The following KIF26B variants were observed in gnomAD, a reference collection of about 807,000 sequenced individuals.
KIF26B encodes the protein kinesin-like protein KIF26B.
In KIF26B, 63 loss-of-function variants were observed where a neutral mutation model predicts 151.2. That is an observed-to-expected ratio of 0.42 (90% CI 0.34 to 0.51). The LOEUF (loss-of-function observed/expected upper bound fraction) is 0.51, where lower values mean the gene tolerates loss of function less well. KIF26B is among the 20% of genes least tolerant of loss of function. The pLI, the probability that KIF26B is intolerant of heterozygous loss-of-function variation, is 0.07. For missense variants in KIF26B, 2,813 were observed against 2,913.6 expected (o/e 0.97, Z 0.79); for synonymous variants, 1,357 against 1,262.1 (o/e 1.08, Z -1.59).
intron 3 of KIF26B, among the ~76,000 whole-genome samples, chr1:245,403,995 C>T (rs975651531): frequency 6.6e-6 from 1 of 152,084 alleles, no homozygotes; most frequent in Non-Finnish European, 1.5e-5. Flanking sequence ...TGATTGATTC[C>T]AGACTCTGGA....
chr1:245,694,766 C>T (rs2147964615), intron 12 of KIF26B, among the ~76,000 whole-genome samples: 1 of 152,340 alleles, frequency 6.6e-6, no homozygotes, highest in Non-Finnish European at 1.5e-5. Flanking sequence ...GGAAGTTTCA[C>T]TGAAGTATCA....
At chr1:245,451,925 T>G (rs1233363143) in intron 4 of KIF26B, among the ~76,000 whole-genome samples, 1 of 152,150 alleles carries the variant, frequency 6.6e-6, no homozygotes, top group Non-Finnish European at 1.5e-5. Flanking sequence ...AAAAAAATTA[T>G]TTACTGTGGC....
At chr1:245,471,315 G>A (rs1317746291) in intron 4 of KIF26B, among the ~76,000 whole-genome samples, 2 of 151,986 alleles carry the variant, frequency 1.3e-5, no homozygotes, top group African/African-American at 4.8e-5. Context: ...TGTATTTATA[G>A]TAGAGACGGG....
At chr1:245,506,408 A>G (rs907680739) in intron 4 of KIF26B, among the ~76,000 whole-genome samples, 21 of 152,254 alleles carry the variant, frequency 1.4e-4, no homozygotes, top group African/African-American at 3.6e-4. Flanking sequence ...TAATTCCATC[A>G]TCATTTATAG....
At chr1:245,242,988 C>T (rs549864042) in intron 2 of KIF26B, among the ~76,000 whole-genome samples, 31 of 152,282 alleles carry the variant, frequency 2.0e-4, no homozygotes, top group Non-Finnish European at 3.5e-4. Context: ...ATGGACATTT[C>T]GGATTTTTCC....
intron 10 of KIF26B, among the ~76,000 whole-genome samples, chr1:245,652,128 GT>G (rs2044024258): frequency 4.3e-5 from 6 of 140,058 alleles, no homozygotes; most frequent in African/African-American, 1.5e-4. Context: ...GTGTGTGTGT[GT>G]GTGTGTGTGT....
At chr1:245,651,808 G>C (rs1038272392) in intron 10 of KIF26B, among the ~76,000 whole-genome samples, 2 of 152,206 alleles carry the variant, frequency 1.3e-5, no homozygotes, top group African/African-American at 4.8e-5. Context: ...GATGATCTGA[G>C]GTGGAGCAGT....
chr1:245,513,911 A>G (rs1660892232), intron 4 of KIF26B, among the ~76,000 whole-genome samples: 1 of 152,188 alleles, frequency 6.6e-6, no homozygotes, highest in Non-Finnish European at 1.5e-5. Context: ...TCTACACTGC[A>G]GAGAACTCTC....
chr1:245,535,049 C>T (rs1661460089), intron 4 of KIF26B, among the ~76,000 whole-genome samples: 1 of 152,202 alleles, frequency 6.6e-6, no homozygotes, highest in African/African-American at 2.4e-5. Context: ...TCCCAAAGTG[C>T]TGGGATTACA....
intron 5 of KIF26B, among the ~76,000 whole-genome samples, chr1:245,594,961 T>C (rs906396029): frequency 6.7e-6 from 1 of 149,536 alleles, no homozygotes; most frequent in Admixed American, 6.8e-5. Flanking sequence ...ATGATTTGGC[T>C]CTCTGTCTAT....
At chr1:245,673,019 CCACGGCG>C (rs2044307925) in intron 10 of KIF26B, among the ~76,000 whole-genome samples, 2 of 152,304 alleles carry the variant, frequency 1.3e-5, no homozygotes, top group African/African-American at 4.8e-5. Context: ...CACCCAGTCC[CCACGGCG>C]CGCTGCCATC....
intron 2 of KIF26B, among the ~76,000 whole-genome samples, chr1:245,212,211 T>A (rs1669551180): frequency 6.6e-6 from 1 of 152,188 alleles, no homozygotes; most frequent in Non-Finnish European, 1.5e-5. Context: ...TTTCCCATAA[T>A]TCCACTTGGG....
chr1:245,662,619 TAC>T (rs2044164853), intron 10 of KIF26B, among the ~76,000 whole-genome samples: 1 of 54,780 alleles, frequency 1.8e-5, no homozygotes, highest in Non-Finnish European at 4.0e-5. Flanking sequence ...CCAATATATA[TAC>T]ACACCCAGTG....
At chr1:245,267,668 ACACACACACACACAC>A in intron 2 of KIF26B, among the ~76,000 whole-genome samples, 1 of 151,140 alleles carries the variant, frequency 6.6e-6, no homozygotes, top group African/African-American at 2.5e-5. Context: ...ACACACACAC[ACACACACACACACAC>A]AAAAGGAGAA....
At chr1:245,305,442 G>C (rs987458572) in intron 2 of KIF26B, among the ~76,000 whole-genome samples, 4 of 152,140 alleles carry the variant, frequency 2.6e-5, no homozygotes, top group African/African-American at 9.7e-5. Flanking sequence ...GATTTGAATA[G>C]ACATTTCTCC....
At chr1:245,368,405 G>A (rs916744946) in intron 3 of KIF26B, among the ~76,000 whole-genome samples, 1 of 152,184 alleles carries the variant, frequency 6.6e-6, no homozygotes, top group Non-Finnish European at 1.5e-5. Flanking sequence ...AAGCAGCAGA[G>A]AGCATTGACC....
chr1:245,580,710 A>T (rs1385663227), intron 5 of KIF26B, among the ~76,000 whole-genome samples: 3 of 152,190 alleles, frequency 2.0e-5, no homozygotes, highest in South Asian at 4.1e-4. Flanking sequence ...CTCAGCATGG[A>T]TTAGAACAGT....
chr1:245,169,710 G>A (rs781133790), intron 2 of KIF26B, among the ~76,000 whole-genome samples: 1 of 152,132 alleles, frequency 6.6e-6, no homozygotes, highest in Non-Finnish European at 1.5e-5. Context: ...GAAGGAAGTT[G>A]CCCGGCTGTG....
intron 9 of KIF26B, among the ~76,000 whole-genome samples, chr1:245,626,402 G>GTT (rs34420692): frequency 0.19 from 28,050 of 148,602 alleles, 4,225 homozygotes; most frequent in African/African-American, 0.41. Context: ...TTCATGGTGG[G>GTT]TTTTTTTTTT....
Sources: gnomAD v4.1 joint callset for allele counts (sites outside exome capture counted in the v4.1 genomes callset) on GRCh38, gnomAD v4.1.1 for gene constraint, MANE v1.5 for transcripts, NCBI Gene and HGNC (gene_info 2026-07-23, HGNC 2026-07-21) for gene names.